The following TLX1 variants were observed in gnomAD, a reference collection of about 807,000 sequenced individuals.
The protein encoded by TLX1 is T cell leukemia homeobox 1.
TLX1 carries 6 observed loss-of-function variants against 26.5 expected under a neutral mutation model. That is an observed-to-expected ratio of 0.23 (90% CI 0.12 to 0.45). The LOEUF (loss-of-function observed/expected upper bound fraction) is 0.45, where lower values mean the gene tolerates loss of function less well. Ranked by LOEUF, TLX1 falls within the 20% of genes least tolerant of loss-of-function variation. The pLI, the probability that TLX1 is intolerant of heterozygous loss-of-function variation, is 0.99. For missense variants in TLX1, 418 were observed against 482.6 expected (o/e 0.87, Z 1.25); for synonymous variants, 217 against 219.7 (o/e 0.99, Z 0.11).
chr10:101,135,045 C>G (rs1940263819), intron 2 of TLX1, among the ~76,000 whole-genome samples: 1 of 152,278 alleles, frequency 6.6e-6, no homozygotes, highest in South Asian at 2.1e-4. Flanking sequence ...CTAGTTACTA[C>G]GCAATGGGCT....
chr10:101,135,873 A>C (rs1380935166), intron 2 of TLX1, among the ~76,000 whole-genome samples: 1 of 152,214 alleles, frequency 6.6e-6, no homozygotes, highest in Admixed American at 6.5e-5. Flanking sequence ...GCCGTTTGAA[A>C]TGCAGGGGAT....
chr10:101,131,394 C>G lies in TLX1; in HGVS notation c.-148C>G, dbSNP rs1306477807. The stretch of plus-strand genomic sequence containing the variant: ...GGCGCCCCCTCTCTCCCTCCCCTCC[C>G]CCTTCTACTTTAGCCTTTCTGCGCA... On this transcript the variant is annotated 5_prime_UTR_variant, in exon 1 of 3. Transcript: ENST00000370196. 3 of 482,314 alleles carry G rather than the reference C, an allele frequency of 6.2e-6. No homozygotes were observed. The highest frequency in any genetic ancestry group is 6.8e-6 in the Non-Finnish European group (2 of 292,574). 29.9% of individuals were successfully genotyped at this position (482,314 alleles called of 1,614,324 possible).
At chr10:101,136,632 G>A (rs1341507047) in intron 2 of TLX1, 59 bp from the exon 3 acceptor site, 2 of 1,611,794 alleles carry the variant, frequency 1.2e-6, no homozygotes, top group East Asian at 2.2e-5. Flanking sequence ...ACCAGGAGTT[G>A]GGCACACGCG....
Position 101,131,784 on chromosome 10 carries a change from C to T in TLX1, c.243C>T (p.Gly81=), listed in dbSNP as rs758625391. ...AGAYGTGGPG[G]PGGPAGGGGA... is the part of the protein sequence containing the mutation. ...CCTATGGTACTGGAGGTCCCGGCGG[C>T]CCCGGAGGCCCGGCAGGCGGCGGCG... Residue 81 remains glycine (G), a synonymous_variant, in exon 1 of 3, where the codon GGC becomes GGT. Transcript: ENST00000370196. 1 of 1,386,898 alleles carries T rather than the reference C, an allele frequency of 7.2e-7. No homozygotes were observed. The highest frequency in any genetic ancestry group is 9.3e-7 in the Non-Finnish European group (1 of 1,076,660). 85.9% of individuals were successfully genotyped at this position (1,386,898 alleles called of 1,614,324 possible). A position where few individuals can be genotyped will look rare whatever the true frequency, so the allele number is the denominator to read the frequency against.
rs989284588 is a variant in TLX1 at position 101,134,394 on chromosome 10, G to C, written c.770+18G>C. ...AAGTGGAGGTGAGCAAGCGGGGCGG[G>C]CCGGCCGCCCGCGAGCGGCGCGGTC... On this transcript the variant is annotated intron_variant, in intron 2 of 2. Coordinates refer to ENST00000370196, the MANE Select transcript of TLX1 (RefSeq NM_005521.4). 2.3e-5 allele frequency: 35 copies of C among 1,538,070 alleles called. 1 individual carries two copies. The East Asian group carries it at 7.8e-4, about 34-fold the overall frequency.
chr10:101,136,515 G>C (rs1483964603), intron 2 of TLX1, among the ~76,000 whole-genome samples, 176 bp from the exon 3 acceptor site: 1 of 152,212 alleles, frequency 6.6e-6, no homozygotes, highest in Non-Finnish European at 1.5e-5. Flanking sequence ...TCCAGTCTTT[G>C]TTGGAGTCAG....
In TLX1 at chr10:101,132,149, G is replaced by C; in HGVS notation, c.568+40G>C. On this transcript the variant is annotated intron_variant, in intron 1 of 2. Transcript: ENST00000370196. The surrounding 1 kb of genome is among the most constrained non-coding windows in gnomAD (Gnocchi z 4.1). ...CGCGCTCCCCGCCTGGCCGCGGCCC[G>C]GGCTCCGTGCTACCCCTGCCCCGCC... The C allele has an allele frequency of 7.6e-7, 1 of 1,323,874 alleles. No homozygotes were observed. The highest frequency in any genetic ancestry group is 9.6e-7 in the Non-Finnish European group (1 of 1,039,378). The allele number at this position is 1,323,874 out of a possible 1,614,324, so 82.0% of individuals were successfully genotyped here. A position where few individuals can be genotyped will look rare whatever the true frequency, so the allele number is the denominator to read the frequency against.
Position 101,131,494 on chromosome 10 carries a change from G to A in TLX1, c.-48G>A. ...CCCTGCTAGCTGCCCCCCGAGCCGA[G>A]CGCAGCGAGCGCCGCCGCCCGGGCC... On this transcript the variant is annotated 5_prime_UTR_variant, in exon 1 of 3. Coordinates refer to ENST00000370196, the MANE Select transcript of TLX1 (RefSeq NM_005521.4). 7.2e-7 allele frequency: 1 copy of A among 1,383,034 alleles called. No homozygotes were observed. Among genetic ancestry groups the A allele is most frequent in the Non-Finnish European group, 9.4e-7 (1 of 1,067,752 alleles). 85.7% of individuals were successfully genotyped at this position (1,383,034 alleles called of 1,614,324 possible).
At chr10:101,133,029 A>ACGATCCTTC (rs1458064917) in intron 1 of TLX1, 1 of 152,264 alleles carries the variant, frequency 6.6e-6, no homozygotes, top group Non-Finnish European at 1.5e-5. Flanking sequence ...ATCCTAGACC[A>ACGATCCTTC]CGATCCTTCC....
Position 101,131,901 on chromosome 10 carries a change from C to T in TLX1, c.360C>T (p.Ser120=), listed in dbSNP as rs942783404. The change falls in exon 1 of 3, where the codon AGC becomes AGT. Residue 120 remains serine (S), a synonymous_variant. Transcript: ENST00000370196. ...GTCCTGGCGGCGGCGGCGGCAGCAG[C>T]GGCGGTGCCGGGGCACTCAGCGCTG... The part of the protein sequence containing the change: ...GPGPGGGGGS[S]GGAGALSAAG... The T allele has an allele frequency of 1.7e-5, 23 of 1,392,564 alleles. No homozygotes were observed. Among genetic ancestry groups the T allele is most frequent in the Non-Finnish European group, 2.0e-5 (22 of 1,082,118 alleles). The allele number at this position is 1,392,564 out of a possible 1,614,324, so 86.3% of individuals were successfully genotyped here.
At position 101,131,683 on chromosome 10, in the gene TLX1, G is replaced by C. The variant is rs1182194036; in HGVS notation, c.142G>C (p.Gly48Arg). 1 of 1,540,562 alleles carries C rather than the reference G, an allele frequency of 6.5e-7. No individual in the cohort carries two copies. Residue 48 changes from glycine to arginine, a missense_variant, in exon 1 of 3, where the codon GGC becomes CGC. By Grantham distance (125) the Gly-to-Arg change is moderately radical. Transcript: ENST00000370196. Reference sequence around the variant, plus strand: ...CCTCCAGGACGGAGAATACGGCCTTGGCTGCTTGGTCGGAGGCGCCTACAC... The same window carrying C: ...CCTCCAGGACGGAGAATACGGCCTTCGCTGCTTGGTCGGAGGCGCCTACAC... ...SRLQDGEYGLGCLVGGAYTYG... is the reference protein window; with the variant it reads ...SRLQDGEYGLRCLVGGAYTYG...
At position 101,136,748 on chromosome 10, in the gene TLX1, G is replaced by A. The variant is rs1485934802; in HGVS notation, c.828G>A (p.Leu276=). 2 of 1,613,264 alleles carry A rather than the reference G, an allele frequency of 1.2e-6. No homozygotes were observed. Among genetic ancestry groups the A allele is most frequent in the Admixed American group, 3.3e-5 (2 of 60,032 alleles). ...GGCAGCAAGCGAACCGCATCCTCCT[G>A]CAGTTGCAGCAGGAGGCCTTCCAGA... ...AERQQANRIL[L]QLQQEAFQKS... The change falls in exon 3 of 3, where the codon CTG becomes CTA. Residue 276 remains leucine, a synonymous_variant. Coordinates refer to ENST00000370196, the MANE Select transcript of TLX1 (RefSeq NM_005521.4).
chr10:101,134,408 A>G, intron 2 of TLX1, 32 bp downstream of exon 2: 1 of 1,511,808 alleles, frequency 6.6e-7, no homozygotes, highest in South Asian at 1.3e-5. Context: ...GCCGCCCGCG[A>G]GCGGCGCGGT....
At chr10:101,134,763 G>GT (rs1231776341) in intron 2 of TLX1, among the ~76,000 whole-genome samples, 1 of 152,338 alleles carries the variant, frequency 6.6e-6, no homozygotes, top group East Asian at 1.9e-4. Flanking sequence ...ATCCTGCTCT[G>GT]TCCTGGAGAC....
In TLX1 at chr10:101,131,605, G is replaced by T. The variant is rs1940171991; in HGVS notation, c.64G>T (p.Asp22Tyr). 3.2e-6 allele frequency: 5 copies of T among 1,564,982 alleles called. No individual in the cohort carries two copies. The highest frequency in any genetic ancestry group is 2.6e-5 in the East Asian group (1 of 38,668). The change falls in exon 1 of 3, where the codon GAC (aspartate) becomes TAC (tyrosine). Residue 22 changes from aspartate (D) to tyrosine (Y), a missense_variant. Physicochemically the swap from Asp to Tyr is radical, Grantham distance 160. Transcript: ENST00000370196. ...CGCAGAGCCCATTAGCTTCGGCATC[G>T]ACCAGATCCTCAACAGCCCGGACCA... The part of the protein sequence containing the change: ...GHAEPISFGI[D>Y]QILNSPDQGG...
At chr10:101,135,714 C>A (rs1190239104) in intron 2 of TLX1, among the ~76,000 whole-genome samples, 1 of 152,184 alleles carries the variant, frequency 6.6e-6, no homozygotes, top group Non-Finnish European at 1.5e-5. Context: ...CTGCAGAAGT[C>A]TTATTTATGT....
chr10:101,135,864 C>A (rs527576528), intron 2 of TLX1, among the ~76,000 whole-genome samples: 4 of 152,208 alleles, frequency 2.6e-5, no homozygotes, highest in Non-Finnish European at 4.4e-5. Context: ...AATATTCAGG[C>A]CGTTTGAAAT....
At chr10:101,134,840 C>T (rs1013751963) in intron 2 of TLX1, among the ~76,000 whole-genome samples, 2 of 152,234 alleles carry the variant, frequency 1.3e-5, no homozygotes, top group African/African-American at 2.4e-5. Flanking sequence ...GGTCTGTGGC[C>T]CCAGACCGCG....
intron 2 of TLX1, 86 bp downstream of exon 2, chr10:101,134,462 A>AC (rs1262936287): frequency 7.3e-7 from 1 of 1,365,172 alleles, no homozygotes; most frequent in Non-Finnish European, 9.7e-7. Context: ...GGGCGCACAT[A>AC]CTTTTTCCGC....
Sources: gnomAD v4.1 joint callset for allele counts (sites outside exome capture counted in the v4.1 genomes callset) on GRCh38, gnomAD v4.1.1 for gene constraint, Gnocchi (gnomAD v3.1) non-coding constraint, MANE v1.5 for transcripts, NCBI Gene and HGNC (gene_info 2026-07-23, HGNC 2026-07-21) for gene names.